MAP3K13: variants seen among roughly 807,000 people sequenced by gnomAD.
MAP3K13 encodes mitogen-activated protein kinase kinase kinase 13.
In MAP3K13, 52 loss-of-function variants were observed where a neutral mutation model predicts 104.0. That is an observed-to-expected ratio of 0.50 (90% CI 0.40 to 0.63). The LOEUF is 0.63. MAP3K13 is among the 20% of genes least tolerant of loss of function. The pLI, the probability that MAP3K13 is intolerant of heterozygous loss-of-function variation, is 0.00. For missense variants in MAP3K13, 914 were observed against 1,218.5 expected, an observed-to-expected ratio of 0.75 and a Z score of 3.72; for synonymous variants, 394 against 442.2, an observed-to-expected ratio of 0.89 and a Z score of 1.37.
chr3:185,344,243 G>T (rs1722831586), intron 2 of MAP3K13, among the ~76,000 whole-genome samples: 1 of 152,136 alleles, frequency 6.6e-6, no homozygotes, highest in Non-Finnish European at 1.5e-5. Context: ...GGTATATAGT[G>T]TTTTTTCAAG....
chr3:185,454,429 T>TGA (rs368051085), intron 7 of MAP3K13, among the ~76,000 whole-genome samples: 1,155 of 14,154 alleles, frequency 0.082, 458 homozygotes, highest in Middle Eastern at 0.2. Context: ...GAGATATATA[T>TGA]GATATATATG....
rs141579714 is a variant in MAP3K13, at chr3:185,294,497, A to G, written c.-86+8854A>G. On this transcript the variant is annotated intron_variant, in intron 2 of 14. Transcript: ENST00000424227. Reference sequence around the variant, plus strand: ...AAATTATATGAATGTACATAGTCCTAGCAATATGAATATTTATCAGAAGAT... The same window carrying G: ...AAATTATATGAATGTACATAGTCCTGGCAATATGAATATTTATCAGAAGAT... Among the ~76,000 whole-genome samples the G allele has an allele frequency of 5.1e-3, 774 of 152,346 alleles. 5 individuals carry two copies. The highest frequency in any genetic ancestry group is 0.01 in the Middle Eastern group (3 of 294).
At chr3:185,452,565 A>G (rs1347690005) in intron 7 of MAP3K13, among the ~76,000 whole-genome samples, 1 of 152,136 alleles carries the variant, frequency 6.6e-6, no homozygotes, top group African/African-American at 2.4e-5. Context: ...TAGAACAGTA[A>G]GCATTTATGT....
intron 2 of MAP3K13, among the ~76,000 whole-genome samples, chr3:185,435,489 A>T (rs1280637583): frequency 6.6e-6 from 1 of 152,198 alleles, no homozygotes; most frequent in Non-Finnish European, 1.5e-5. Context: ...AAAATAGCCA[A>T]CGCTATCACT....
In MAP3K13 at chr3:185,473,107, A is replaced by C; in HGVS notation, c.1776A>C (p.Arg592=). 6.2e-7 allele frequency: 1 copy of C among 1,614,180 alleles called. No individual in the cohort carries two copies. Among genetic ancestry groups the C allele is most frequent in the Non-Finnish European group, 8.5e-7 (1 of 1,180,032 alleles). ...ATCGAAGCAAACCACGCCACCGCCGAGGGAATAGCAGAGGCAGCCATAGTG... is the reference window on the plus strand; with the variant it reads ...ATCGAAGCAAACCACGCCACCGCCGCGGGAATAGCAGAGGCAGCCATAGTG... The part of the protein sequence containing the change: ...SRYRSKPRHR[R]GNSRGSHSDF... The change falls in exon 11 of 14, where the codon CGA becomes CGC. Residue 592 remains arginine (R), a synonymous_variant. Transcript: ENST00000265026. This position sits in a 1 kb window ranked among gnomAD's most constrained non-coding sequence, Gnocchi z 4.9.
rs1720910270 is a variant in MAP3K13, at chr3:185,296,118, CCTGT to C, written c.-86+10476_-86+10479del. Among the ~76,000 whole-genome samples the C allele has an allele frequency of 6.6e-5, 10 of 152,270 alleles. No individual in the cohort carries two copies. In the South Asian group the frequency reaches 1.0e-3, roughly 16 times the overall value. Reference sequence around the variant, plus strand: ...AATGAGCCGGGCATTGTGGCACACACCTGTAGTCCCAGCTACTCAGGAGGCTGAG... The same window carrying C: ...AATGAGCCGGGCATTGTGGCACACACAGTCCCAGCTACTCAGGAGGCTGAG... On this transcript the variant is annotated intron_variant, in intron 2 of 14. Coordinates refer to the MAP3K13 transcript ENST00000424227.
intron 1 of MAP3K13, among the ~76,000 whole-genome samples, chr3:185,399,862 C>G (rs1369000298): frequency 6.6e-6 from 1 of 152,006 alleles, no homozygotes; most frequent in African/African-American, 2.4e-5. Flanking sequence ...CCCTGCACCC[C>G]CTCTGCTGGA....
Position 185,487,976 on chromosome 3 carries a change from G to C in MAP3K13, c.*5520G>C, listed in dbSNP as rs553913042. 1.3e-5 allele frequency: 2 copies of C among 152,196 alleles called. No homozygotes were observed. Among genetic ancestry groups the C allele is most frequent in the Non-Finnish European group, 2.9e-5 (2 of 68,036 alleles). 9.4% of individuals were successfully genotyped at this position (152,196 alleles called of 1,614,324 possible). On this transcript the variant is annotated 3_prime_UTR_variant, in exon 14 of 14. Transcript: ENST00000265026. ...GGGGCGGTACCACAGAAAGGGGAAAGGCCACTTGCCTCTACCCACTGCCCT... is the reference window on the plus strand; with the variant it reads ...GGGGCGGTACCACAGAAAGGGGAAACGCCACTTGCCTCTACCCACTGCCCT...
At chr3:185,322,927 T>A (rs889865270) in intron 2 of MAP3K13, among the ~76,000 whole-genome samples, 8 of 152,214 alleles carry the variant, frequency 5.3e-5, no homozygotes, top group African/African-American at 1.9e-4. Context: ...CCTCGTCACC[T>A]CATGCCAAGA....
Position 185,428,690 on chromosome 3 carries a change from C to A in MAP3K13, c.109C>A (p.His37Asn). The A allele has an allele frequency of 6.2e-7, 1 of 1,614,138 alleles. No individual in the cohort carries two copies. Among genetic ancestry groups the A allele is most frequent in the Middle Eastern group, 1.7e-4 (1 of 6,060 alleles). ...AGATGAGCTCACAGCTATGGGGAAC[C>A]ACCCTTCTCCCAAGCTGCTCGAGGA... ...LQDELTAMGN[H>N]PSPKLLEDQQ... is the part of the protein sequence containing the mutation. Residue 37 changes from histidine (H) to asparagine (N), a missense_variant, in exon 2 of 14, where the codon CAC becomes AAC. By Grantham distance (68) the His-to-Asn change is moderately conservative. Coordinates refer to ENST00000265026, the MANE Select transcript of MAP3K13 (RefSeq NM_004721.5).
At chr3:185,440,779 G>A (rs1715280840) in intron 3 of MAP3K13, among the ~76,000 whole-genome samples, 1 of 152,200 alleles carries the variant, frequency 6.6e-6, no homozygotes, top group South Asian at 2.1e-4. Flanking sequence ...TGAAGAGATA[G>A]GCATGGGTTG....
rs181664135 is a variant in MAP3K13 at position 185,379,340 on chromosome 3, T to C, written c.-86+15972T>C. 9.9e-5 allele frequency among the ~76,000 whole-genome samples: 15 copies of C among 151,640 alleles called. No individual in the cohort carries two copies. The East Asian group carries it at 2.9e-3, about 29-fold the overall frequency. On this transcript the variant is annotated intron_variant, in intron 1 of 13. Transcript: ENST00000265026. ...TGTCTCCTTTGTCTCTACCAGAAAA[T>C]GAAAGGAATTGAAATTAAGAGAAGG...
At chr3:185,283,812 T>C (rs1720399139) in intron 1 of MAP3K13, among the ~76,000 whole-genome samples, 5 of 152,168 alleles carry the variant, frequency 3.3e-5, no homozygotes, top group African/African-American at 1.2e-4. Context: ...TGGACCGTTG[T>C]AAATAAACTG....
intron 2 of MAP3K13, among the ~76,000 whole-genome samples, chr3:185,346,801 A>G (rs930749095): frequency 7.9e-5 from 12 of 152,096 alleles, no homozygotes; most frequent in Non-Finnish European, 1.6e-4. Flanking sequence ...ATTTTGCCTT[A>G]CCCTTTCCAA....
intron 5 of MAP3K13, chr3:185,448,175 G>A (rs1256896130): frequency 1.2e-5 from 8 of 647,844 alleles, no homozygotes; most frequent in Non-Finnish European, 2.0e-5. Flanking sequence ...CCAGTTTGGG[G>A]GACCTCAGAG....
At chr3:185,470,060 C>T (rs957210529) in intron 10 of MAP3K13, among the ~76,000 whole-genome samples, 1 of 152,150 alleles carries the variant, frequency 6.6e-6, no homozygotes, top group African/African-American at 2.4e-5. Flanking sequence ...GGAGGGGGAA[C>T]CTGGGAACTC....
In MAP3K13 at chr3:185,473,643, A is replaced by C; in HGVS notation, c.2312A>C (p.Gln771Pro). ...CATAATCCTCTCTTGGAAAACGCCC[A>C]GAGTTCTGAGAAAACGGAAGAAAAT... ...PAHNPLLENA[Q>P]SSEKTEENEF... The change falls in exon 11 of 14, where the codon CAG (glutamine) becomes CCG (proline). Residue 771 changes from glutamine (Q) to proline (P), a missense_variant. Gln to Pro is a moderately conservative substitution (Grantham distance 76). Transcript: ENST00000265026. This position sits in a 1 kb window ranked among gnomAD's most constrained non-coding sequence, Gnocchi z 4.9. 1.2e-6 allele frequency: 2 copies of C among 1,614,214 alleles called. No individual in the cohort carries two copies. The highest frequency in any genetic ancestry group is 1.7e-6 in the Non-Finnish European group (2 of 1,180,046).
chr3:185,389,747 G>A (rs1404437817), intron 1 of MAP3K13, among the ~76,000 whole-genome samples: 2 of 150,918 alleles, frequency 1.3e-5, no homozygotes, highest in South Asian at 4.2e-4. Flanking sequence ...TTGTTTATGT[G>A]AGTTATATCG....
At chr3:185,393,595 A>T (rs1162446751) in intron 1 of MAP3K13, among the ~76,000 whole-genome samples, 1 of 151,792 alleles carries the variant, frequency 6.6e-6, no homozygotes. Flanking sequence ...AGTAGCTGGG[A>T]CTACAGGTGC....
Sources: gnomAD v4.1 joint callset for allele counts (sites outside exome capture counted in the v4.1 genomes callset) on GRCh38, gnomAD v4.1.1 for gene constraint, Gnocchi (gnomAD v3.1) non-coding constraint, MANE v1.5 for transcripts, NCBI Gene and HGNC (gene_info 2026-07-23, HGNC 2026-07-21) for gene names.